Variants in SPATA17 observed in about 807,000 individuals in gnomAD.
The protein encoded by SPATA17 is spermatogenesis-associated protein 17.
A neutral mutation model predicts 62.2 loss-of-function variants in SPATA17; 53 were observed. That is an observed-to-expected ratio of 0.85 (90% confidence interval 0.68 to 1.07). The LOEUF (loss-of-function observed/expected upper bound fraction) is 1.07, where lower values mean the gene tolerates loss of function less well. Ranked by LOEUF, SPATA17 falls within the 50% of genes least tolerant of loss-of-function variation. SPATA17 has a pLI of 0.00. For missense variants in SPATA17, 466 were observed against 425.5 expected, an observed-to-expected ratio of 1.10 and a Z score of -0.84; for synonymous variants, 146 against 146.8, an observed-to-expected ratio of 0.99 and a Z score of 0.04.
intron 5 of SPATA17, among the ~76,000 whole-genome samples, chr1:217,718,802 C>T (rs1295062238): frequency 6.6e-6 from 1 of 152,118 alleles, no homozygotes. Flanking sequence ...TGCCCTGCCA[C>T]CCAAATTGGT....
intron 6 of SPATA17, among the ~76,000 whole-genome samples, chr1:217,772,224 T>C (rs192405731): frequency 6.6e-6 from 1 of 152,288 alleles, no homozygotes; most frequent in Admixed American, 6.5e-5. Context: ...GGAAAGCTAT[T>C]GTCTGTGTAT....
At chr1:217,672,818 A>T (rs775768113) in intron 4 of SPATA17, among the ~76,000 whole-genome samples, 4 of 151,948 alleles carry the variant, frequency 2.6e-5, no homozygotes, top group Admixed American at 6.6e-5. Flanking sequence ...CTGTTATAGA[A>T]CCTGTAACAT....
At chr1:217,844,169 G>C (rs1399688140) in intron 9 of SPATA17, among the ~76,000 whole-genome samples, 1 of 152,120 alleles carries the variant, frequency 6.6e-6, no homozygotes, top group Non-Finnish European at 1.5e-5. Context: ...ATCGTACATA[G>C]TGATGCAGAG....
At chr1:217,683,815 CTTAAT>C (rs1671157168) in intron 5 of SPATA17, among the ~76,000 whole-genome samples, 1 of 151,708 alleles carries the variant, frequency 6.6e-6, no homozygotes, top group African/African-American at 2.4e-5. Context: ...TTCTATTTAC[CTTAAT>C]TTATTATTAT....
intron 9 of SPATA17, among the ~76,000 whole-genome samples, chr1:217,813,961 T>C (rs1674656177): frequency 6.6e-6 from 1 of 152,066 alleles, no homozygotes; most frequent in Non-Finnish European, 1.5e-5. Context: ...TATATATTTA[T>C]GCTACCTTTG....
At chr1:217,715,871 C>T (rs1490948817) in intron 5 of SPATA17, among the ~76,000 whole-genome samples, 1 of 152,106 alleles carries the variant, frequency 6.6e-6, no homozygotes, top group Non-Finnish European at 1.5e-5. Flanking sequence ...CTTGCTGTTT[C>T]AAAATATTTA....
chr1:217,674,900 G>C (rs1271619669), intron 4 of SPATA17, among the ~76,000 whole-genome samples: 1 of 152,138 alleles, frequency 6.6e-6, no homozygotes, highest in Non-Finnish European at 1.5e-5. Flanking sequence ...ATAGGGGAGA[G>C]GGGAGCTGTA....
At chr1:217,637,327 G>A (rs748937017) in intron 1 of SPATA17, among the ~76,000 whole-genome samples, 12 of 152,062 alleles carry the variant, frequency 7.9e-5, no homozygotes, top group Admixed American at 3.9e-4. Context: ...CGTTTGATCC[G>A]TTTCAGTCCA....
At chr1:217,762,594 G>A (rs561175076) in intron 6 of SPATA17, among the ~76,000 whole-genome samples, 4 of 152,234 alleles carry the variant, frequency 2.6e-5, no homozygotes, top group South Asian at 2.1e-4. Context: ...TTCAGGTCAC[G>A]ATAGATTGTC....
intron 9 of SPATA17, among the ~76,000 whole-genome samples, chr1:217,840,007 C>CA (rs1675354672): frequency 4.5e-5 from 6 of 134,030 alleles, no homozygotes; most frequent in Admixed American, 3.1e-4. Context: ...TTAATCTTGT[C>CA]GAAAAAAAGG....
rs557634040 is a variant in SPATA17, at chr1:217,852,292, A to G, written c.1006-10482A>G. 4.6e-5 allele frequency among the ~76,000 whole-genome samples: 7 copies of G among 152,316 alleles called. No homozygotes were observed. In the South Asian group the frequency reaches 1.5e-3, roughly 32 times the overall value. ...ACCTTAGATACTATTTGTGGCATCA[A>G]TGAAAGAAATAGGTAATCATTATTA... On this transcript the variant is annotated intron_variant, in intron 9 of 10. Transcript: ENST00000366933.
At chr1:217,672,749 A>T (rs1670859976) in intron 4 of SPATA17, among the ~76,000 whole-genome samples, 1 of 151,754 alleles carries the variant, frequency 6.6e-6, no homozygotes, top group Non-Finnish European at 1.5e-5. Context: ...TGATCCCCCT[A>T]CCCCTGTAGA....
rs1553251071 is a variant in SPATA17 at position 217,770,978 on chromosome 1, A to AATTTTTTTTTTTTTTTT, written c.520-3356_520-3355insATTTTTTTTTTTTTTTT. On this transcript the variant is annotated intron_variant, in intron 6 of 10. Coordinates refer to ENST00000366933, the MANE Select transcript of SPATA17 (RefSeq NM_138796.4). The stretch of plus-strand genomic sequence containing the variant: ...ATGTATCTATTATATAACTCATTGC[A>AATTTTTTTTTTTTTTTT]TTTTTTTTTTTTTTTTTTTTTTTTT... 2.8e-3 allele frequency among the ~76,000 whole-genome samples: 138 copies of AATTTTTTTTTTTTTTTT among 50,166 alleles called. 27 individuals are homozygous for AATTTTTTTTTTTTTTTT. Among genetic ancestry groups the AATTTTTTTTTTTTTTTT allele is most frequent in the Non-Finnish European group, 3.7e-3 (113 of 30,432 alleles). 32.9% of individuals were successfully genotyped at this position (50,166 alleles called of 152,430 possible).
At chr1:217,744,928 G>A (rs952178401) in intron 6 of SPATA17, among the ~76,000 whole-genome samples, 1 of 152,146 alleles carries the variant, frequency 6.6e-6, no homozygotes, top group East Asian at 1.9e-4. Flanking sequence ...GACCCTTCGA[G>A]GGCATTCAGT....
At chr1:217,777,654 G>A (rs960563386) in intron 7 of SPATA17, among the ~76,000 whole-genome samples, 12 of 151,786 alleles carry the variant, frequency 7.9e-5, no homozygotes, top group Non-Finnish European at 5.9e-5. Flanking sequence ...TGCCTGTCTC[G>A]GCCTCCTAAA....
intron 10 of SPATA17, chr1:217,866,707 G>A (rs1362917341): frequency 6.6e-6 from 1 of 152,110 alleles, no homozygotes; most frequent in Non-Finnish European, 1.5e-5. Flanking sequence ...ATCTGCAGTA[G>A]TGTAGACGGA....
At chr1:217,829,428 G>T (rs1374372340) in intron 9 of SPATA17, among the ~76,000 whole-genome samples, 1 of 151,674 alleles carries the variant, frequency 6.6e-6, no homozygotes. Flanking sequence ...AGGAGTTCAA[G>T]ACCAGCCTGG....
intron 9 of SPATA17, among the ~76,000 whole-genome samples, chr1:217,802,634 G>A (rs139674622): frequency 2.0e-3 from 303 of 152,104 alleles, no homozygotes; most frequent in Non-Finnish European, 3.8e-3. Flanking sequence ...AATCCCAAGG[G>A]ACCAGGACTC....
intron 9 of SPATA17, among the ~76,000 whole-genome samples, chr1:217,827,536 A>G (rs6703242): frequency 0.038 from 5,836 of 152,220 alleles, 323 homozygotes; most frequent in African/African-American, 0.13. Flanking sequence ...TGCTGGGCAT[A>G]TACCCAAAGG....
Sources: allele counts gnomAD v4.1 joint callset (sites outside exome capture counted in the v4.1 genomes callset), GRCh38; gene constraint gnomAD v4.1.1; transcripts MANE v1.5; gene names NCBI Gene and HGNC (gene_info 2026-07-23, HGNC 2026-07-21).